The following ZFHX3 variants were observed in gnomAD, a reference collection of about 807,000 sequenced individuals.
ZFHX3 encodes zinc finger homeobox 3, also known as zinc finger homeobox protein 3.
ZFHX3 carries 42 observed loss-of-function variants against 279.1 expected under a neutral mutation model. The ratio of observed to expected loss-of-function variants is 0.15; its 90% CI spans 0.12 to 0.19. The LOEUF (loss-of-function observed/expected upper bound fraction) is 0.19, where lower values mean the gene tolerates loss of function less well. Among genes scored for constraint, ZFHX3 ranks in the 10% least tolerant of loss-of-function variants. ZFHX3 has a pLI of 1.00. For synonymous variants in ZFHX3, 2,293 were observed against 1,957.8 expected, an observed-to-expected ratio of 1.17 and a Z score of -4.52; for missense variants, 4,981 against 4,754.0, an observed-to-expected ratio of 1.05 and a Z score of -1.40.
chr16:73,679,801 A>T (rs2052991631), intron 2 of ZFHX3: 1 of 152,178 alleles, frequency 6.6e-6, no homozygotes, highest in Admixed American at 6.5e-5. Context: ...CACTGAAATT[A>T]TCAAAGCTCA....
rs11646684 is a variant in ZFHX3 at position 73,416,766 on chromosome 16, A to T, written c.-1291+39237T>A. Among the ~76,000 whole-genome samples the T allele has an allele frequency of 4.2e-4, 59 of 140,588 alleles. 1 individual carries two copies. The highest frequency in any genetic ancestry group is 7.3e-3 in the Middle Eastern group (2 of 274). The allele number at this position is 140,588 out of a possible 152,430, so 92.2% of individuals were successfully genotyped here. On this transcript the variant is annotated intron_variant, in intron 3 of 17. Coordinates refer to the ZFHX3 transcript ENST00000641206. ...GCGGGCGCCTGTAGTCCCAGCTACCAGGGAGGCTGAAGCAGGAGAATGGCG... is the reference window on the plus strand; with the variant it reads ...GCGGGCGCCTGTAGTCCCAGCTACCTGGGAGGCTGAAGCAGGAGAATGGCG...
chr16:73,274,007 G>C (rs2014226262), intron 4 of ZFHX3, among the ~76,000 whole-genome samples: 1 of 152,140 alleles, frequency 6.6e-6, no homozygotes, highest in Admixed American at 6.5e-5. Context: ...AGCTAGGCAT[G>C]GTGGTGCGCG....
At chr16:73,307,413 G>C (rs2015207276) in intron 4 of ZFHX3, among the ~76,000 whole-genome samples, 1 of 152,240 alleles carries the variant, frequency 6.6e-6, no homozygotes, top group Admixed American at 6.5e-5. Flanking sequence ...ACTGAAGGTT[G>C]TTGGCCAAGG....
rs1328931382 is a variant in ZFHX3, at chr16:72,889,227, A to G, written c.3448+504T>C. Among the ~76,000 whole-genome samples the G allele has an allele frequency of 3.3e-5, 5 of 152,162 alleles. No homozygotes were observed. The East Asian group carries it at 9.6e-4, about 29-fold the overall frequency. ...AAATACAACTGAAATTTTTATAACA[A>G]GCACTTATTTTATTCCTCTCTAAAG... is the stretch of plus-strand genomic sequence containing the variant. On this transcript the variant is annotated intron_variant, in intron 4 of 9. Coordinates refer to ENST00000268489, the MANE Select transcript of ZFHX3 (RefSeq NM_006885.4).
chr16:73,174,980 A>G (rs1337771161), intron 5 of ZFHX3, among the ~76,000 whole-genome samples: 1 of 151,866 alleles, frequency 6.6e-6, no homozygotes, highest in Non-Finnish European at 1.5e-5. Flanking sequence ...GTGAACCGAG[A>G]TAGCGCCACT....
At chr16:73,553,422 T>A (rs755290252) in intron 2 of ZFHX3, among the ~76,000 whole-genome samples, 15 of 152,174 alleles carry the variant, frequency 9.9e-5, no homozygotes, top group Non-Finnish European at 1.8e-4. Flanking sequence ...TCAGGGACTC[T>A]AGCCCCCACG....
At position 72,798,317 on chromosome 16, in the gene ZFHX3, C is replaced by G; in HGVS notation, c.4365G>C (p.Leu1455=). 2 of 1,614,228 alleles carry G rather than the reference C, an allele frequency of 1.2e-6. No homozygotes were observed. The highest frequency in any genetic ancestry group is 1.3e-5 in the African/African-American group (1 of 75,062). Residue 1455 remains leucine (L), a synonymous_variant, in exon 9 of 10, where the codon CTG becomes CTC. Transcript: ENST00000268489. ...KKHLETSHLE[L]SEADIQQLYG... is the part of the protein sequence containing the mutation. ...AAAGCTGTTGGATGTCAGCCTCACTCAGCTCCAGGTGGCTTGTCTCAAGGT... is the reference window on the plus strand; with the variant it reads ...AAAGCTGTTGGATGTCAGCCTCACTGAGCTCCAGGTGGCTTGTCTCAAGGT...
chr16:73,423,487 G>C (rs16971941), intron 3 of ZFHX3, among the ~76,000 whole-genome samples: 10,673 of 152,248 alleles, frequency 0.07, 461 homozygotes, highest in South Asian at 0.1. Context: ...GCATTTGTCA[G>C]TGATGCGTTT....
At chr16:73,088,429 G>A (rs912344134) in intron 8 of ZFHX3, among the ~76,000 whole-genome samples, 5 of 152,318 alleles carry the variant, frequency 3.3e-5, no homozygotes, top group African/African-American at 1.2e-4. Context: ...CTGAAATACA[G>A]GCATGAACCA....
chr16:73,009,423 A>C (rs1963834178), intron 1 of ZFHX3, among the ~76,000 whole-genome samples: 1 of 151,974 alleles, frequency 6.6e-6, no homozygotes. Context: ...CAAGTTATGT[A>C]CTCTTGGGAG....
At chr16:73,111,189 C>T (rs957380093) in intron 7 of ZFHX3, among the ~76,000 whole-genome samples, 7 of 152,176 alleles carry the variant, frequency 4.6e-5, no homozygotes, top group African/African-American at 1.4e-4. Context: ...GATCTGTCTG[C>T]CTCAGCCTTC....
chr16:73,498,474 A>G (rs1397588338), intron 2 of ZFHX3, among the ~76,000 whole-genome samples: 2 of 152,236 alleles, frequency 1.3e-5, no homozygotes, highest in Non-Finnish European at 2.9e-5. Flanking sequence ...GAAAAATGTC[A>G]AAATAATCAT....
At chr16:73,022,466 C>T (rs1597102392) in intron 1 of ZFHX3, among the ~76,000 whole-genome samples, 1 of 152,118 alleles carries the variant, frequency 6.6e-6, no homozygotes, top group Admixed American at 6.5e-5. Flanking sequence ...TGTCATTCTT[C>T]GTTGGGGATG....
At chr16:73,389,756 G>A (rs779219851) in intron 3 of ZFHX3, among the ~76,000 whole-genome samples, 4 of 152,208 alleles carry the variant, frequency 2.6e-5, no homozygotes, top group Non-Finnish European at 5.9e-5. Context: ...AGGAAAAGGG[G>A]GACGATCCTT....
intron 2 of ZFHX3, chr16:73,486,986 T>C: frequency 2.8e-6 from 1 of 358,854 alleles, no homozygotes; most frequent in South Asian, 2.2e-5. Context: ...TGTTATGGCA[T>C]AAAACCTGCT....
chr16:73,063,561 G>C (rs1163026635), upstream of ZFHX3, among the ~76,000 whole-genome samples: 1 of 152,148 alleles, frequency 6.6e-6, no homozygotes, highest in East Asian at 1.9e-4. Flanking sequence ...TCAAAAGTTT[G>C]CTCTCAATGC....
In ZFHX3 at chr16:72,958,481, A is replaced by G. The variant is rs1961376924; in HGVS notation, c.1665T>C (p.Ala555=). The G allele has an allele frequency of 6.2e-7, 1 of 1,614,032 alleles. No individual in the cohort carries two copies. The highest frequency in any genetic ancestry group is 1.3e-5 in the African/African-American group (1 of 74,940). ...RGTASTSSNS[A]SSFVVFDGAN... ...CACCATCAAAGACAACAAAGGAAGA[A>G]GCAGAATTAGAACTAGTAGAAGCTG... is the stretch of plus-strand genomic sequence containing the variant. The change falls in exon 2 of 10, where the codon GCT becomes GCC. Residue 555 remains alanine (A), a synonymous_variant. Coordinates refer to ENST00000268489, the MANE Select transcript of ZFHX3 (RefSeq NM_006885.4).
chr16:73,338,373 G>T (rs1447649783), intron 3 of ZFHX3, among the ~76,000 whole-genome samples: 1 of 152,152 alleles, frequency 6.6e-6, no homozygotes, highest in African/African-American at 2.4e-5. Context: ...TGGGCACATC[G>T]TAGGGCCTTG....
chr16:73,421,827 G>A (rs550989929), intron 3 of ZFHX3, among the ~76,000 whole-genome samples: 1 of 152,264 alleles, frequency 6.6e-6, no homozygotes, highest in East Asian at 1.9e-4. Flanking sequence ...GAGCACACAT[G>A]CCCAGGACAA....
Sources: gnomAD v4.1 joint callset for allele counts (sites outside exome capture counted in the v4.1 genomes callset) on GRCh38, gnomAD v4.1.1 for gene constraint, MANE v1.5 for transcripts, NCBI Gene and HGNC (gene_info 2026-07-23, HGNC 2026-07-21) for gene names.